The following COBLL1 variants were observed in gnomAD, a reference collection of about 807,000 sequenced individuals.
COBLL1 encodes the protein cordon-bleu protein-like 1.
In COBLL1, 50 loss-of-function variants were observed where a neutral mutation model predicts 94.8. The observed-to-expected ratio is 0.53, with a 90% CI of 0.42 to 0.67. The LOEUF is 0.67. Among genes scored for constraint, COBLL1 ranks in the 30% least tolerant of loss-of-function variants. The pLI is 0.00. For missense variants in COBLL1, 1,362 were observed against 1,348.7 expected, an observed-to-expected ratio of 1.01 and a Z score of -0.15; for synonymous variants, 448 against 473.8, an observed-to-expected ratio of 0.95 and a Z score of 0.71.
chr2:164,812,836 T>C (rs1684524100), intron 2 of COBLL1, among the ~76,000 whole-genome samples: 1 of 152,122 alleles, frequency 6.6e-6, no homozygotes, highest in South Asian at 2.1e-4. Context: ...TAAATAAGCA[T>C]TATGCAGTTG....
chr2:164,813,228 A>C (rs1684543080), intron 2 of COBLL1, among the ~76,000 whole-genome samples: 2 of 152,122 alleles, frequency 1.3e-5, no homozygotes, highest in Admixed American at 6.6e-5. Context: ...CAATATGCTA[A>C]TGTGAATCTA....
intron 7 of COBLL1, among the ~76,000 whole-genome samples, chr2:164,710,632 T>G (rs891663401): frequency 6.7e-6 from 1 of 150,206 alleles, no homozygotes; most frequent in Non-Finnish European, 1.5e-5. Flanking sequence ...TGGTGCGATC[T>G]CAGCTCACTG....
chr2:164,712,745 G>A (rs534638820), intron 7 of COBLL1, among the ~76,000 whole-genome samples: 3 of 151,014 alleles, frequency 2.0e-5, no homozygotes, highest in African/African-American at 7.4e-5. Flanking sequence ...TGCAAAATAA[G>A]CTGTGAGTTT....
intron 2 of COBLL1, among the ~76,000 whole-genome samples, chr2:164,756,358 C>T (rs1687407751): frequency 6.6e-6 from 1 of 152,078 alleles, no homozygotes; most frequent in African/African-American, 2.4e-5. Flanking sequence ...TCTCTCCATT[C>T]CCCCTCTACT....
chr2:164,784,909 A>G (rs745853597), intron 2 of COBLL1, among the ~76,000 whole-genome samples: 1 of 152,210 alleles, frequency 6.6e-6, no homozygotes, highest in Non-Finnish European at 1.5e-5. Flanking sequence ...TTAGAAACAT[A>G]ATTTCTAATG....
At position 164,666,577 on chromosome 2, in the gene COBLL1, CA is replaced by C. The variant is rs528042744; in HGVS notation, n.127-677del. On this transcript the variant is annotated intron_variant and non_coding_transcript_variant, in intron 1 of 2. Transcript: ENST00000495084. ...TCACAAAAGATTTATCTGTAGCATG[CA>C]ATGCTGTTTGATAACATTTTACCCA... 1.4e-3 allele frequency among the ~76,000 whole-genome samples: 215 copies of C among 152,274 alleles called. 1 individual carries two copies. The East Asian group carries it at 0.017, about 12-fold the overall frequency.
At chr2:164,833,775 C>T (rs1262786625) in intron 2 of COBLL1, among the ~76,000 whole-genome samples, 1 of 152,104 alleles carries the variant, frequency 6.6e-6, no homozygotes, top group Non-Finnish European at 1.5e-5. Flanking sequence ...AGCACTTCGC[C>T]AAAATGCTCC....
chr2:164,781,500 T>C (rs1429534497), intron 2 of COBLL1, among the ~76,000 whole-genome samples: 1 of 152,204 alleles, frequency 6.6e-6, no homozygotes, highest in Non-Finnish European at 1.5e-5. Context: ...CCAGACACTT[T>C]GTAAAGTGCT....
Position 164,841,601 on chromosome 2 carries a change from A to G in COBLL1, c.-51+109T>C. 1 of 386,982 alleles carries G rather than the reference A, an allele frequency of 2.6e-6. No homozygotes were observed. Among genetic ancestry groups the G allele is most frequent in the Non-Finnish European group, 4.0e-6 (1 of 250,470 alleles). 24.0% of individuals were successfully genotyped at this position (386,982 alleles called of 1,614,324 possible). ...GGCACCGCTGCCACGCCGGCAGCGC[A>G]CTCCCAGGCTCCTCCGGCCGAGTTT... On this transcript the variant is annotated intron_variant, in intron 1 of 13. Transcript: ENST00000652658. The surrounding 1 kb of genome is among the most constrained non-coding windows in gnomAD (Gnocchi z 5.5).
At chr2:164,746,507 T>C (rs1334904972) in intron 2 of COBLL1, among the ~76,000 whole-genome samples, 1 of 152,086 alleles carries the variant, frequency 6.6e-6, no homozygotes, top group Non-Finnish European at 1.5e-5. Context: ...CTACTTACGA[T>C]GGGATTACAA....
At chr2:164,751,413 G>C (rs1687119090) in intron 2 of COBLL1, among the ~76,000 whole-genome samples, 1 of 152,088 alleles carries the variant, frequency 6.6e-6, no homozygotes. Context: ...GGAAGGAAGG[G>C]AGGGAAGGTC....
chr2:164,729,985 A>C lies in COBLL1; in HGVS notation c.361T>G (p.Leu121Val), dbSNP rs1279445354. The C allele has an allele frequency of 3.1e-6, 5 of 1,613,900 alleles. No individual in the cohort carries two copies. The highest frequency in any genetic ancestry group is 1.7e-5 in the Admixed American group (1 of 59,984). Reference sequence around the variant, plus strand: ...TTTAAAATTACCTTCTCTACCTCCAACATTCCTATTGGTGTGTTTGGCTTA... The same window carrying C: ...TTTAAAATTACCTTCTCTACCTCCACCATTCCTATTGGTGTGTTTGGCTTA... ...KFKPNTPIGM[L>V]EVEKVILKPK... The change falls in exon 4 of 14, where the codon TTG (leucine) becomes GTG (valine). Residue 121 changes from leucine to valine, a missense_variant. Coordinates refer to ENST00000652658, the MANE Select transcript of COBLL1 (RefSeq NM_001365672.2).
chr2:164,753,907 A>G (rs1016033604), intron 2 of COBLL1, among the ~76,000 whole-genome samples: 1 of 151,920 alleles, frequency 6.6e-6, no homozygotes, highest in Non-Finnish European at 1.5e-5. Flanking sequence ...ATGCCCAGCT[A>G]ATTTTTGTAG....
chr2:164,841,069 T>C lies in COBLL1; in HGVS notation c.41+87A>G. On this transcript the variant is annotated intron_variant, in intron 2 of 13. Transcript: ENST00000652658. This position sits in a 1 kb window ranked among gnomAD's most constrained non-coding sequence, Gnocchi z 5.5. ...TCAGGCCGCCGGCAGGGCAGCGAGT[T>C]GCCAGCCAGGTGAAACGGCCGAGGC... 8.3e-7 allele frequency: 1 copy of C among 1,201,062 alleles called. No individual in the cohort carries two copies. Among genetic ancestry groups the C allele is most frequent in the Non-Finnish European group, 1.0e-6 (1 of 961,370 alleles). The allele number at this position is 1,201,062 out of a possible 1,614,324, so 74.4% of individuals were successfully genotyped here. A position where few individuals can be genotyped will look rare whatever the true frequency, so the allele number is the denominator to read the frequency against.
chr2:164,734,307 G>A (rs143344242), intron 3 of COBLL1, among the ~76,000 whole-genome samples: 380 of 152,002 alleles, frequency 2.5e-3, no homozygotes, highest in African/African-American at 8.6e-3. Flanking sequence ...GGATATCTGC[G>A]GAAAGATAGC....
chr2:164,719,181 A>G (rs550146531), intron 7 of COBLL1, among the ~76,000 whole-genome samples: 1 of 152,186 alleles, frequency 6.6e-6, no homozygotes, highest in East Asian at 1.9e-4. Flanking sequence ...TGAATGAAGG[A>G]TTTGTCTCTA....
At chr2:164,769,792 C>CG (rs1688118597) in intron 2 of COBLL1, among the ~76,000 whole-genome samples, 1 of 152,042 alleles carries the variant, frequency 6.6e-6, no homozygotes, top group African/African-American at 2.4e-5. Context: ...CACATATACC[C>CG]CCCCCAGAGC....
chr2:164,831,392 T>C (rs965942013), intron 2 of COBLL1, among the ~76,000 whole-genome samples: 4 of 151,580 alleles, frequency 2.6e-5, no homozygotes, highest in African/African-American at 9.7e-5. Flanking sequence ...TTAAATTTTA[T>C]TTAAATTATC....
Position 164,694,500 on chromosome 2 carries a change from G to A in COBLL1, c.2892C>T (p.Ser964=), listed in dbSNP as rs1360949654. 8.7e-6 allele frequency: 14 copies of A among 1,613,848 alleles called. No homozygotes were observed. The highest frequency in any genetic ancestry group is 1.1e-5 in the Non-Finnish European group (13 of 1,179,936). Residue 964 remains serine, a synonymous_variant, in exon 12 of 14, where the codon TCC becomes TCT. Transcript: ENST00000652658. ...TTTTCAAAGTCTTCAGATTTTGTGTGGATACCTGACTAGCAGGAATTGTCA... is the reference window on the plus strand; with the variant it reads ...TTTTCAAAGTCTTCAGATTTTGTGTAGATACCTGACTAGCAGGAATTGTCA... ...KPVTIPASQV[S]TQNLKTLKTF...
Sources: allele counts gnomAD v4.1 joint callset (sites outside exome capture counted in the v4.1 genomes callset), GRCh38; gene constraint gnomAD v4.1.1; non-coding constraint Gnocchi (gnomAD v3.1); transcripts MANE v1.5; gene names NCBI Gene and HGNC (gene_info 2026-07-23, HGNC 2026-07-21).